MLXIP: variants seen among roughly 807,000 people sequenced by gnomAD.
MLXIP encodes the protein MLX-interacting protein.
A neutral mutation model predicts 87.2 loss-of-function variants in MLXIP; 30 were observed. That is an observed-to-expected ratio of 0.34 (90% CI 0.26 to 0.47). The LOEUF is 0.47. Among genes scored for constraint, MLXIP ranks in the 20% least tolerant of loss-of-function variants. The pLI is 1.00. For missense variants in MLXIP, 1,002 were observed against 1,240.1 expected, an observed-to-expected ratio of 0.81 and a Z score of 2.88; for synonymous variants, 530 against 514.0, an observed-to-expected ratio of 1.03 and a Z score of -0.42.
chr12:122,112,450 A>G (rs1952618449), intron 1 of MLXIP, among the ~76,000 whole-genome samples: 1 of 152,106 alleles, frequency 6.6e-6, no homozygotes, highest in Non-Finnish European at 1.5e-5. Context: ...CATCCTGGCT[A>G]ACACGGTGAA....
chr12:122,106,961 G>C (rs1444174013), intron 1 of MLXIP, among the ~76,000 whole-genome samples: 1 of 152,132 alleles, frequency 6.6e-6, no homozygotes, highest in African/African-American at 2.4e-5. Context: ...AGCATCAGCT[G>C]CACCAGCTGC....
chr12:122,083,085 G>A (rs1283209807), intron 1 of MLXIP, among the ~76,000 whole-genome samples: 2 of 152,172 alleles, frequency 1.3e-5, no homozygotes, highest in African/African-American at 2.4e-5. Context: ...CTTCCAAAAT[G>A]ATGAGATTCT....
intron 1 of MLXIP, among the ~76,000 whole-genome samples, chr12:122,085,551 A>G (rs971437892): frequency 1.5e-4 from 23 of 152,016 alleles, no homozygotes; most frequent in Non-Finnish European, 2.8e-4. Flanking sequence ...TTACAGGCAC[A>G]TGCCACCATG....
At chr12:122,098,373 G>C (rs190304298) in intron 1 of MLXIP, among the ~76,000 whole-genome samples, 1 of 152,370 alleles carries the variant, frequency 6.6e-6, no homozygotes, top group East Asian at 1.9e-4. Context: ...GAGCAACTCA[G>C]ATTGAGGTTG....
chr12:122,081,107 A>T (rs1250900808), intron 1 of MLXIP, among the ~76,000 whole-genome samples: 1 of 152,104 alleles, frequency 6.6e-6, no homozygotes, highest in Non-Finnish European at 1.5e-5. Flanking sequence ...ATTTCTCTCA[A>T]AAATATTTTG....
In MLXIP at chr12:122,141,982, G is replaced by T; in HGVS notation, c.*170G>T. 1 of 1,036,758 alleles carries T rather than the reference G, an allele frequency of 9.6e-7. No individual in the cohort carries two copies. 64.2% of individuals were successfully genotyped at this position (1,036,758 alleles called of 1,614,324 possible). A position where few individuals can be genotyped will look rare whatever the true frequency, so the allele number is the denominator to read the frequency against. ...ATGCTCAGGTCTGAAGCAGGTTTGG[G>T]GCCTGCTGACAGCAATAGCCCGCCT... On this transcript the variant is annotated 3_prime_UTR_variant, in exon 17 of 17. Coordinates refer to ENST00000319080, the MANE Select transcript of MLXIP (RefSeq NM_014938.6).
In MLXIP at chr12:122,142,236, ATGCCTC is replaced by A. The variant is rs1953221031; in HGVS notation, c.*430_*435del. The A allele has an allele frequency of 1.4e-6, 1 of 699,606 alleles. No homozygotes were observed. The highest frequency in any genetic ancestry group is 1.7e-5 in the African/African-American group (1 of 57,208). 43.3% of individuals were successfully genotyped at this position (699,606 alleles called of 1,614,324 possible). ...CTCCTGCCACGTCCTGTCCACATGC[ATGCCTC>A]TGCCTGATGCCCTGCTCCACTCTCT... On this transcript the variant is annotated 3_prime_UTR_variant, in exon 17 of 17. Coordinates refer to ENST00000319080, the MANE Select transcript of MLXIP (RefSeq NM_014938.6).
At chr12:122,087,085 T>C (rs1388834134) in intron 1 of MLXIP, among the ~76,000 whole-genome samples, 1 of 152,188 alleles carries the variant, frequency 6.6e-6, no homozygotes, top group East Asian at 1.9e-4. Flanking sequence ...GGTTGTCTAA[T>C]TGAATTAGCC....
chr12:122,115,480 T>C (rs1952676108), intron 1 of MLXIP, among the ~76,000 whole-genome samples: 2 of 149,056 alleles, frequency 1.3e-5, no homozygotes, highest in South Asian at 4.3e-4. Flanking sequence ...TCCCAACTAC[T>C]CAGGAGGCTG....
chr12:122,132,357 C>G lies in MLXIP; in HGVS notation c.1066C>G (p.Pro356Ala). 1 of 1,612,932 alleles carries G rather than the reference C, an allele frequency of 6.2e-7. No individual in the cohort carries two copies. The highest frequency in any genetic ancestry group is 8.5e-7 in the Non-Finnish European group (1 of 1,179,440). Residue 356 changes from proline to alanine, a missense_variant, in exon 8 of 17, where the codon CCA becomes GCA. This residue lies in a region of MLXIP where 746 missense variants were observed against 897.0 expected (regional missense o/e 0.83). Transcript: ENST00000319080. ...MLPASASAPV[P>A]DPNNPPAQES... ...ACCTGCATCTGCCTCAGCACCTGTA[C>G]CAGATCCCAACAACCCACCTGCACA...
At chr12:122,091,576 A>C (rs937553529) in intron 1 of MLXIP, among the ~76,000 whole-genome samples, 6 of 152,226 alleles carry the variant, frequency 3.9e-5, no homozygotes, top group African/African-American at 1.2e-4. Context: ...TTCTTCTTTT[A>C]TCTGGGTCAA....
At chr12:122,113,673 C>G (rs1467756789) in intron 1 of MLXIP, among the ~76,000 whole-genome samples, 4 of 119,960 alleles carry the variant, frequency 3.3e-5, no homozygotes, top group Admixed American at 2.6e-4. Flanking sequence ...ATATAACTGC[C>G]TTCATTTCTT....
At position 122,137,531 on chromosome 12, in the gene MLXIP, C is replaced by T; in HGVS notation, c.2095C>T (p.Gln699Ter). The change falls in exon 12 of 17, where the codon CAA becomes TAA. Residue 699 changes from glutamine to a stop codon, truncating the protein, a stop_gained. Coordinates refer to ENST00000319080, the MANE Select transcript of MLXIP (RefSeq NM_014938.6). LOFTEE classifies it high-confidence loss of function. This position sits in a 1 kb window ranked among gnomAD's most constrained non-coding sequence, Gnocchi z 4.1. ...TGCATCGGAGCAGAGCCCCAGTCCT[C>T]AATCTCCCCAGAACAACTGCTCAGG... ...PCASEQSPSP[Q>*]SPQNNCSGKS... 1 of 1,614,034 alleles carries T rather than the reference C, an allele frequency of 6.2e-7. No individual in the cohort carries two copies. Among genetic ancestry groups the T allele is most frequent in the Non-Finnish European group, 8.5e-7 (1 of 1,179,894 alleles).
rs558433345 is a variant in MLXIP at position 122,141,881 on chromosome 12, G to C, written c.*69G>C. 6.3e-7 allele frequency: 1 copy of C among 1,579,932 alleles called. No individual in the cohort carries two copies. The highest frequency in any genetic ancestry group is 1.3e-5 in the African/African-American group (1 of 74,312). On this transcript the variant is annotated 3_prime_UTR_variant, in exon 17 of 17. Transcript: ENST00000319080. The stretch of plus-strand genomic sequence containing the variant: ...TCCCTGCCCATGGAGAGTAGGCTGC[G>C]CCCCCCAGCCCTTCCTGACGCTCAG...
chr12:122,131,812 T>A (rs977217250), intron 7 of MLXIP, among the ~76,000 whole-genome samples: 10 of 150,812 alleles, frequency 6.6e-5, no homozygotes, highest in Admixed American at 6.6e-4. Flanking sequence ...CACTGCACCC[T>A]CAACCTCCCT....
At chr12:122,108,560 T>G (rs552944984) in intron 1 of MLXIP, among the ~76,000 whole-genome samples, 1 of 152,080 alleles carries the variant, frequency 6.6e-6, no homozygotes, top group African/African-American at 2.4e-5. Flanking sequence ...TGTTCATAAT[T>G]ACTCTCTCCC....
At chr12:122,109,366 A>G (rs1351689797) in intron 1 of MLXIP, among the ~76,000 whole-genome samples, 3 of 150,882 alleles carry the variant, frequency 2.0e-5, no homozygotes, top group Admixed American at 1.3e-4. Context: ...ACTGTGCCCA[A>G]CTACTTTTTG....
intron 4 of MLXIP, 108 bp from the exon 5 acceptor site, chr12:122,129,480 G>C: frequency 7.8e-7 from 1 of 1,290,060 alleles, no homozygotes; most frequent in South Asian, 1.3e-5. Flanking sequence ...CCTGGGGATG[G>C]TGTGAGCAGG....
rs1953119878 is a variant in MLXIP at position 122,137,739 on chromosome 12, A to G, written c.2154+149A>G. On this transcript the variant is annotated intron_variant, in intron 12 of 16. Transcript: ENST00000319080. The surrounding 1 kb of genome is among the most constrained non-coding windows in gnomAD (Gnocchi z 4.1). ...TCAGAAATGGGCTTCTCCTTGCCCC[A>G]TGCCACGAACCAGCCCTGTGGGGAT... 3 of 1,311,486 alleles carry G rather than the reference A, an allele frequency of 2.3e-6. No homozygotes were observed. Among genetic ancestry groups the G allele is most frequent in the African/African-American group, 1.5e-5 (1 of 67,732 alleles). 81.2% of individuals were successfully genotyped at this position (1,311,486 alleles called of 1,614,324 possible).
Sources: allele counts gnomAD v4.1 joint callset (sites outside exome capture counted in the v4.1 genomes callset), GRCh38; gene constraint gnomAD v4.1.1; regional missense constraint gnomAD v4.1.1; non-coding constraint Gnocchi (gnomAD v3.1); transcripts MANE v1.5; gene names NCBI Gene and HGNC (gene_info 2026-07-23, HGNC 2026-07-21).